Variants in PKDCC observed in about 807,000 individuals in gnomAD.
PKDCC encodes the protein protein kinase domain containing, cytoplasmic, also known as extracellular tyrosine-protein kinase PKDCC.
A neutral mutation model predicts 44.7 loss-of-function variants in PKDCC; 35 were observed. The observed-to-expected ratio is 0.78, with a 90% confidence interval of 0.60 to 1.04. The LOEUF is 1.04. Ranked by LOEUF, PKDCC falls within the 50% of genes least tolerant of loss-of-function variation. The probability of loss-of-function intolerance (pLI) is 0.00; values close to 1 mark genes in which losing one functional copy is unlikely to be tolerated. For missense variants in PKDCC, 738 were observed against 672.7 expected, an observed-to-expected ratio of 1.10 and a Z score of -1.07; for synonymous variants, 353 against 303.3, an observed-to-expected ratio of 1.16 and a Z score of -1.70.
chr2:42,053,539 G>T (rs1668004296), intron 2 of PKDCC, 178 bp downstream of exon 2: 1 of 817,094 alleles, frequency 1.2e-6, no homozygotes. Flanking sequence ...AGACTTAAAG[G>T]ATCCCGACAT....
chr2:42,048,894 G>A lies in PKDCC; in HGVS notation c.639+56G>A. The A allele has an allele frequency of 7.2e-7, 1 of 1,395,478 alleles. No individual in the cohort carries two copies. The highest frequency in any genetic ancestry group is 2.5e-5 in the East Asian group (1 of 39,626). 86.4% of individuals were successfully genotyped at this position (1,395,478 alleles called of 1,614,324 possible). ...GTTGGCTGGGAGTGCCCAAGACCTT[G>A]TCAACCTGGCTGGAAGAGAACCCCT... On this transcript the variant is annotated intron_variant, in intron 1 of 6. Transcript: ENST00000294964. The surrounding 1 kb of genome is among the most constrained non-coding windows in gnomAD (Gnocchi z 6.2).
intron 2 of PKDCC, 109 bp from the exon 3 acceptor site, chr2:42,053,927 G>A (rs922496253): frequency 5.0e-6 from 7 of 1,408,866 alleles, no homozygotes; most frequent in African/African-American, 1.4e-5. Flanking sequence ...GAAGAGAAGT[G>A]CCAACCCCCA....
chr2:42,048,892 T>A lies in PKDCC; in HGVS notation c.639+54T>A. 2 of 1,395,718 alleles carry A rather than the reference T, an allele frequency of 1.4e-6. No homozygotes were observed. Among genetic ancestry groups the A allele is most frequent in the Non-Finnish European group, 1.9e-6 (2 of 1,069,658 alleles). 86.5% of individuals were successfully genotyped at this position (1,395,718 alleles called of 1,614,324 possible). A position where few individuals can be genotyped will look rare whatever the true frequency, so the allele number is the denominator to read the frequency against. On this transcript the variant is annotated intron_variant, in intron 1 of 6. Coordinates refer to ENST00000294964, the MANE Select transcript of PKDCC (RefSeq NM_138370.3). The surrounding 1 kb of genome is among the most constrained non-coding windows in gnomAD (Gnocchi z 6.2). ...GTGTTGGCTGGGAGTGCCCAAGACC[T>A]TGTCAACCTGGCTGGAAGAGAACCC...
rs1217577979 is a variant in PKDCC, at chr2:42,048,550, G to A, written c.351G>A (p.Pro117=). 6.3e-6 allele frequency: 8 copies of A among 1,270,076 alleles called. No individual in the cohort carries two copies. The highest frequency in any genetic ancestry group is 3.1e-5 in the African/African-American group (2 of 63,830). The allele number at this position is 1,270,076 out of a possible 1,614,324, so 78.7% of individuals were successfully genotyped here. The change falls in exon 1 of 7, where the codon CCG becomes CCA. Residue 117 remains proline (P), a synonymous_variant. Coordinates refer to ENST00000294964, the MANE Select transcript of PKDCC (RefSeq NM_138370.3). This position sits in a 1 kb window ranked among gnomAD's most constrained non-coding sequence, Gnocchi z 6.2. The part of the protein sequence containing the change: ...PLSDGAPGWP[P]APGPGSPGPG... ...CCGACGGCGCCCCAGGCTGGCCCCC[G>A]GCTCCCGGCCCAGGCTCCCCCGGCC... is the stretch of plus-strand genomic sequence containing the variant.
Position 42,057,240 on chromosome 2 carries a change from C to A in PKDCC, c.1242C>A (p.Asp414Glu), listed in dbSNP as rs1178664232. 2 of 1,614,206 alleles carry A rather than the reference C, an allele frequency of 1.2e-6. No homozygotes were observed. Among genetic ancestry groups the A allele is most frequent in the South Asian group, 2.2e-5 (2 of 91,078 alleles). The change falls in exon 6 of 7, where the codon GAC becomes GAA. Residue 414 changes from aspartate (D) to glutamate (E), a missense_variant. Coordinates refer to ENST00000294964, the MANE Select transcript of PKDCC (RefSeq NM_138370.3). ...CCACAGAGTACCAGTGTATCCCAGACAGCACCATCCCCCAGGAAGACTACC... is the reference window on the plus strand; with the variant it reads ...CCACAGAGTACCAGTGTATCCCAGAAAGCACCATCCCCCAGGAAGACTACC... ...SSSTEYQCIP[D>E]STIPQEDYRC...
Position 42,057,622 on chromosome 2 carries a change from C to T in PKDCC, c.1416C>T (p.Phe472=). ...CCCCAGGTCGGCAGCTGGTCTTTTT[C>T]AAGACTGGATGGAGCCAAGTGGTCC... ...TTWTGRQLVF[F]KTGWSQVVPD... is the part of the protein sequence containing the mutation. The change falls in exon 7 of 7, where the codon TTC becomes TTT. Residue 472 remains phenylalanine (F), a synonymous_variant. Coordinates refer to ENST00000294964, the MANE Select transcript of PKDCC (RefSeq NM_138370.3). 6.2e-7 allele frequency: 1 copy of T among 1,613,918 alleles called. No homozygotes were observed. Among genetic ancestry groups the T allele is most frequent in the South Asian group, 1.1e-5 (1 of 91,044 alleles).
chr2:42,053,088 T>C, intron 1 of PKDCC, 151 bp from the exon 2 acceptor site: 1 of 850,772 alleles, frequency 1.2e-6, no homozygotes, highest in East Asian at 2.7e-5. Context: ...AGGGCATGCT[T>C]CCCAGGCAAC....
intron 5 of PKDCC, among the ~76,000 whole-genome samples, chr2:42,056,009 G>C (rs2103931567): frequency 6.6e-6 from 1 of 152,320 alleles, no homozygotes; most frequent in East Asian, 1.9e-4. Flanking sequence ...CAGGGGTTGA[G>C]GGGTGAGCAG....
chr2:42,048,274 C>T lies in PKDCC; in HGVS notation c.75C>T (p.Leu25=). The T allele has an allele frequency of 3.1e-6, 4 of 1,279,634 alleles. No homozygotes were observed. Among genetic ancestry groups the T allele is most frequent in the Non-Finnish European group, 4.0e-6 (4 of 1,006,274 alleles). The allele number at this position is 1,279,634 out of a possible 1,614,324, so 79.3% of individuals were successfully genotyped here. The change falls in exon 1 of 7, where the codon CTC becomes CTT. Residue 25 remains leucine, a synonymous_variant. Coordinates refer to ENST00000294964, the MANE Select transcript of PKDCC (RefSeq NM_138370.3). This position sits in a 1 kb window ranked among gnomAD's most constrained non-coding sequence, Gnocchi z 6.2. ...TGCTGGGCTCCGTCCTCAACGTGCT[C>T]TTCGCTCCGGGCTCGGAGCCTCCGA... ...SFLLGSVLNV[L]FAPGSEPPRP...
Position 42,057,249 on chromosome 2 carries a change from C to A in PKDCC, c.1251C>A (p.Ile417=), listed in dbSNP as rs1187076699. 5 of 1,614,206 alleles carry A rather than the reference C, an allele frequency of 3.1e-6. No individual in the cohort carries two copies. In the South Asian group the frequency reaches 5.5e-5, roughly 18 times the overall value. The part of the protein sequence containing the change: ...TEYQCIPDST[I]PQEDYRCWPS... ...ACCAGTGTATCCCAGACAGCACCAT[C>A]CCCCAGGAAGACTACCGCTGCTGGC... Residue 417 remains isoleucine (I), a synonymous_variant, in exon 6 of 7, where the codon ATC becomes ATA. Transcript: ENST00000294964.
chr2:42,057,156 C>T, intron 5 of PKDCC, 65 bp from the exon 6 acceptor site: 1 of 1,555,170 alleles, frequency 6.4e-7, no homozygotes, highest in Non-Finnish European at 8.8e-7. Flanking sequence ...CAGAAAGTGA[C>T]ACATCCTTGG....
At position 42,054,849 on chromosome 2, in the gene PKDCC, G is replaced by A. The variant is rs962827721; in HGVS notation, c.1035-92G>A. Reference sequence around the variant, plus strand: ...CTAGGCCTGAGGGATCCGGCTCCCTGGCCAGGTTAGCGTTCTGCCCCAGGT... The same window carrying A: ...CTAGGCCTGAGGGATCCGGCTCCCTAGCCAGGTTAGCGTTCTGCCCCAGGT... On this transcript the variant is annotated intron_variant, in intron 3 of 6. Transcript: ENST00000294964. The surrounding 1 kb of genome is among the most constrained non-coding windows in gnomAD (Gnocchi z 6.1). The A allele has an allele frequency of 8.2e-7, 1 of 1,226,756 alleles. No individual in the cohort carries two copies. Among genetic ancestry groups the A allele is most frequent in the Admixed American group, 1.7e-5 (1 of 59,128 alleles). The allele number at this position is 1,226,756 out of a possible 1,614,324, so 76.0% of individuals were successfully genotyped here. A position where few individuals can be genotyped will look rare whatever the true frequency, so the allele number is the denominator to read the frequency against.
chr2:42,048,342 G>C lies in PKDCC; in HGVS notation c.143G>C (p.Gly48Ala). 7 of 1,174,070 alleles carry C rather than the reference G, an allele frequency of 6.0e-6. No individual in the cohort carries two copies. The highest frequency in any genetic ancestry group is 5.3e-6 in the Non-Finnish European group (5 of 950,880). The allele number at this position is 1,174,070 out of a possible 1,614,324, so 72.7% of individuals were successfully genotyped here. A position where few individuals can be genotyped will look rare whatever the true frequency, so the allele number is the denominator to read the frequency against. Residue 48 changes from glycine to alanine, a missense_variant, in exon 1 of 7, where the codon GGC (glycine) becomes GCC (alanine). Coordinates refer to ENST00000294964, the MANE Select transcript of PKDCC (RefSeq NM_138370.3). The surrounding 1 kb of genome is among the most constrained non-coding windows in gnomAD (Gnocchi z 6.2). ...SPEPSPAPGP[G>A]RRGGRGELAR... is the part of the protein sequence containing the mutation. ...GAGCCTTCGCCGGCCCCGGGTCCGG[G>C]CCGTCGCGGGGGCCGCGGGGAGCTG...
In PKDCC at chr2:42,054,726, C is replaced by G; in HGVS notation, c.1035-215C>G. The G allele has an allele frequency of 1.6e-6, 1 of 606,204 alleles. No homozygotes were observed. The highest frequency in any genetic ancestry group is 2.9e-6 in the Non-Finnish European group (1 of 340,430). The allele number at this position is 606,204 out of a possible 1,614,324, so 37.6% of individuals were successfully genotyped here. A position where few individuals can be genotyped will look rare whatever the true frequency, so the allele number is the denominator to read the frequency against. ...GTCCTGGGAAGGGTTGGGAAGCAGG[C>G]CCCTGGTTTCGGTTAGTATGAAGTT... On this transcript the variant is annotated intron_variant, in intron 3 of 6. Transcript: ENST00000294964. This position sits in a 1 kb window ranked among gnomAD's most constrained non-coding sequence, Gnocchi z 6.1.
At chr2:42,050,288 T>C (rs1178686320) in intron 1 of PKDCC, among the ~76,000 whole-genome samples, 1 of 152,206 alleles carries the variant, frequency 6.6e-6, no homozygotes, top group African/African-American at 2.4e-5. Flanking sequence ...TGGGAGGATC[T>C]TGTACTCTTT....
chr2:42,057,690 C>A lies in PKDCC; in HGVS notation c.*2C>A. ...ACATATGTGAAGGCCTCTGGCTGAC[C>A]TATCTGAGGGCTCGGCTGACCAGCT... On this transcript the variant is annotated 3_prime_UTR_variant, in exon 7 of 7. Transcript: ENST00000294964. 1 of 1,613,372 alleles carries A rather than the reference C, an allele frequency of 6.2e-7. No homozygotes were observed.
chr2:42,053,516 C>A, intron 2 of PKDCC, 155 bp downstream of exon 2: 1 of 1,061,656 alleles, frequency 9.4e-7, no homozygotes, highest in Non-Finnish European at 1.3e-6. Flanking sequence ...CCAAAGGGTT[C>A]AAAAAAGAAG....
Position 42,053,370 on chromosome 2 carries a change from A to G in PKDCC, c.762+9A>G, listed in dbSNP as rs1452324532. 1 of 1,608,144 alleles carries G rather than the reference A, an allele frequency of 6.2e-7. No homozygotes were observed. Among genetic ancestry groups the G allele is most frequent in the Admixed American group, 1.7e-5 (1 of 59,458 alleles). ...GGGAGGATCGATTCCGAGTGAGCTC[A>G]GAGGAGGGCTCGGGCCCTGGGCTCC... is the stretch of plus-strand genomic sequence containing the variant. On this transcript the variant is annotated intron_variant, in intron 2 of 6. Coordinates refer to ENST00000294964, the MANE Select transcript of PKDCC (RefSeq NM_138370.3).
Position 42,051,641 on chromosome 2 carries a change from C to T in PKDCC, c.640-1598C>T, listed in dbSNP as rs1216795482. 6.6e-6 allele frequency among the ~76,000 whole-genome samples: 1 copy of T among 152,180 alleles called. No homozygotes were observed. Among genetic ancestry groups the T allele is most frequent in the African/African-American group, 2.4e-5 (1 of 41,440 alleles). ...AGAAAATGAGAACCAGGCCCCAGGG[C>T]TGTTCCCCTTACCTTCCCCCCACCC... On this transcript the variant is annotated intron_variant, in intron 1 of 6. Transcript: ENST00000294964. This position sits in a 1 kb window ranked among gnomAD's most constrained non-coding sequence, Gnocchi z 4.2.
Sources: allele counts gnomAD v4.1 joint callset (sites outside exome capture counted in the v4.1 genomes callset), GRCh38; gene constraint gnomAD v4.1.1; non-coding constraint Gnocchi (gnomAD v3.1); transcripts MANE v1.5; gene names NCBI Gene and HGNC (gene_info 2026-07-23, HGNC 2026-07-21).